Variants in RBFOX3 observed in about 807,000 individuals in gnomAD.
RBFOX3 encodes RNA binding protein fox-1 homolog 3.
Under a neutral mutation model 48.7 loss-of-function variants are expected in RBFOX3, and 17 were observed. That is an observed-to-expected ratio of 0.35 (90% CI 0.24 to 0.52). RBFOX3 has a LOEUF of 0.52. Among genes scored for constraint, RBFOX3 ranks in the 20% least tolerant of loss-of-function variants. The pLI, the probability that RBFOX3 is intolerant of heterozygous loss-of-function variation, is 0.94. For synonymous variants in RBFOX3, 212 were observed against 209.5 expected (o/e 1.01, Z -0.10); for missense variants, 382 against 497.5 (o/e 0.77, Z 2.21).
chr17:79,388,623 T>C (rs1018409800), intron 2 of RBFOX3, among the ~76,000 whole-genome samples: 1 of 152,194 alleles, frequency 6.6e-6, no homozygotes, highest in Non-Finnish European at 1.5e-5. Context: ...ACTGCACAGC[T>C]GCGGGCTGGA....
chr17:79,180,440 G>C (rs183536995), intron 4 of RBFOX3, among the ~76,000 whole-genome samples: 36 of 152,302 alleles, frequency 2.4e-4, no homozygotes, highest in African/African-American at 8.7e-4. Context: ...TATCAAATGT[G>C]CTGTTGAGAT....
chr17:79,157,462 G>A (rs973164200), intron 4 of RBFOX3, among the ~76,000 whole-genome samples: 1 of 152,248 alleles, frequency 6.6e-6, no homozygotes, highest in Non-Finnish European at 1.5e-5. Flanking sequence ...ACAGATGCCT[G>A]GCTTCCCCCT....
At chr17:79,593,718 G>A (rs1396691909) in intron 1 of RBFOX3, among the ~76,000 whole-genome samples, 2 of 152,176 alleles carry the variant, frequency 1.3e-5, no homozygotes, top group Non-Finnish European at 2.9e-5. Flanking sequence ...TTTTGAAAAC[G>A]ACAAGAGGAG....
chr17:79,540,491 G>T (rs1555789925), intron 1 of RBFOX3, among the ~76,000 whole-genome samples: 1 of 152,224 alleles, frequency 6.6e-6, no homozygotes, highest in Non-Finnish European at 1.5e-5. Context: ...GTCAGGCAGG[G>T]CTGCCCCACA....
intron 2 of RBFOX3, among the ~76,000 whole-genome samples, chr17:79,413,226 G>A (rs1401503048): frequency 6.6e-6 from 1 of 152,180 alleles, no homozygotes; most frequent in Non-Finnish European, 1.5e-5. Flanking sequence ...CCCCTCCCCT[G>A]CAGTGCCCAT....
At chr17:79,313,466 G>T (rs928051155) in intron 2 of RBFOX3, among the ~76,000 whole-genome samples, 1 of 152,114 alleles carries the variant, frequency 6.6e-6, no homozygotes, top group African/African-American at 2.4e-5. Context: ...CCACCCTGAG[G>T]TCTCACCCCA....
intron 2 of RBFOX3, among the ~76,000 whole-genome samples, chr17:79,331,437 G>A (rs1205521046): frequency 1.3e-5 from 2 of 152,158 alleles, no homozygotes; most frequent in Non-Finnish European, 2.9e-5. Flanking sequence ...CAGGGTGGGT[G>A]TCAAGACCCA....
intron 4 of RBFOX3, among the ~76,000 whole-genome samples, chr17:79,186,468 C>G (rs1429926890): frequency 6.6e-6 from 1 of 152,180 alleles, no homozygotes; most frequent in Non-Finnish European, 1.5e-5. Flanking sequence ...ACCTCCAGTA[C>G]CTGGCACCAG....
At chr17:79,499,103 T>C (rs2082032998) in intron 1 of RBFOX3, among the ~76,000 whole-genome samples, 1 of 149,260 alleles carries the variant, frequency 6.7e-6, no homozygotes, top group Admixed American at 6.7e-5. Context: ...TACTCACTCA[T>C]CTATCCACTT....
chr17:79,128,617 C>T (rs2037961691), intron 4 of RBFOX3, among the ~76,000 whole-genome samples: 1 of 152,154 alleles, frequency 6.6e-6, no homozygotes, highest in African/African-American at 2.4e-5. Flanking sequence ...GCATCCCTGC[C>T]GGATGAGAGC....
At chr17:79,562,723 G>A (rs2144262255) in intron 1 of RBFOX3, among the ~76,000 whole-genome samples, 1 of 152,322 alleles carries the variant, frequency 6.6e-6, no homozygotes, top group African/African-American at 2.4e-5. Flanking sequence ...CCCGGCTGGA[G>A]ATAAGGGAAT....
intron 4 of RBFOX3, among the ~76,000 whole-genome samples, chr17:79,190,424 A>C (rs541635337): frequency 1.7e-4 from 19 of 109,532 alleles, no homozygotes; most frequent in East Asian, 2.4e-4. Context: ...CAAAAAAAAA[A>C]AAAAAAACAA....
intron 1 of RBFOX3, among the ~76,000 whole-genome samples, chr17:79,559,104 C>T (rs2091993362): frequency 6.6e-6 from 1 of 152,266 alleles, no homozygotes; most frequent in South Asian, 2.1e-4. Flanking sequence ...GATGACCTCA[C>T]AATCTAGCAC....
intron 2 of RBFOX3, among the ~76,000 whole-genome samples, chr17:79,359,597 G>A (rs2085897032): frequency 6.6e-6 from 1 of 152,112 alleles, no homozygotes; most frequent in South Asian, 2.1e-4. Flanking sequence ...CCTTGGAAGA[G>A]AAGAGAAAAT....
intron 2 of RBFOX3, among the ~76,000 whole-genome samples, chr17:79,425,872 C>T (rs1216850347): frequency 1.3e-5 from 2 of 152,062 alleles, no homozygotes; most frequent in African/African-American, 4.8e-5. Context: ...GGCAGAGACC[C>T]CCTTCCAGGG....
Position 79,229,042 on chromosome 17 carries a change from T to C in RBFOX3, c.-34+6724A>G, listed in dbSNP as rs1351109394. ...CAGGAGTTCAAGACCAGCTGGCCAATATGGTGAAATCCCATCTCTACTAAA... is the reference window on the plus strand; with the variant it reads ...CAGGAGTTCAAGACCAGCTGGCCAACATGGTGAAATCCCATCTCTACTAAA... On this transcript the variant is annotated intron_variant, in intron 4 of 14. Transcript: ENST00000693108. Among the ~76,000 whole-genome samples, 7 of 133,306 alleles carry C rather than the reference T, an allele frequency of 5.3e-5. No homozygotes were observed. The East Asian group carries it at 7.0e-4, about 13-fold the overall frequency. 87.5% of individuals were successfully genotyped at this position (133,306 alleles called of 152,430 possible).
intron 1 of RBFOX3, among the ~76,000 whole-genome samples, chr17:79,522,665 C>T (rs1170761285): frequency 5.9e-5 from 9 of 152,142 alleles, no homozygotes; most frequent in East Asian, 1.9e-4. Flanking sequence ...CGTGGTGGCT[C>T]ACGCCTGTAA....
At chr17:79,539,772 C>T (rs1336398766) in intron 1 of RBFOX3, among the ~76,000 whole-genome samples, 2 of 152,152 alleles carry the variant, frequency 1.3e-5, no homozygotes, top group South Asian at 2.1e-4. Context: ...TGACTAAGAA[C>T]GTCATTTCAA....
Position 79,560,767 on chromosome 17 carries a change from G to A in RBFOX3, c.-320+50059C>T, listed in dbSNP as rs1022961777. On this transcript the variant is annotated intron_variant, in intron 1 of 14. Transcript: ENST00000693108. The stretch of plus-strand genomic sequence containing the variant: ...CCACCCATGACAGCACGGCCAGCGC[G>A]AGAGCTGCAGCTGCAGGTGCTTCCC... Among the ~76,000 whole-genome samples the A allele has an allele frequency of 9.9e-5, 15 of 152,178 alleles. No homozygotes were observed. In the South Asian group the frequency reaches 1.7e-3, roughly 17 times the overall value.
Sources: gnomAD v4.1 joint callset for allele counts (sites outside exome capture counted in the v4.1 genomes callset) on GRCh38, gnomAD v4.1.1 for gene constraint, MANE v1.5 for transcripts, NCBI Gene and HGNC (gene_info 2026-07-23, HGNC 2026-07-21) for gene names.